ABL1: variants seen among roughly 807,000 people sequenced by gnomAD.
ABL1 encodes ABL proto-oncogene 1, non-receptor tyrosine kinase.
ABL1 carries 11 observed loss-of-function variants against 94.7 expected under a neutral mutation model. The ratio of observed to expected loss-of-function variants is 0.12; its 90% CI spans 0.07 to 0.19. The LOEUF is 0.19. Among genes scored for constraint, ABL1 ranks in the 10% least tolerant of loss-of-function variants. The pLI, the probability that ABL1 is intolerant of heterozygous loss-of-function variation, is 1.00. For synonymous variants in ABL1, 656 were observed against 622.4 expected (o/e 1.05, Z -0.80); for missense variants, 1,082 against 1,489.4 (o/e 0.73, Z 4.50).
intron 1 of ABL1, among the ~76,000 whole-genome samples, chr9:130,789,017 G>C (rs1205406595): frequency 6.6e-6 from 1 of 152,010 alleles, no homozygotes; most frequent in Non-Finnish European, 1.5e-5. Context: ...TTCTCCCTGT[G>C]ATTTCCTGAA....
chr9:130,733,882 G>A (rs532791709), intron 1 of ABL1, among the ~76,000 whole-genome samples: 1 of 152,098 alleles, frequency 6.6e-6, no homozygotes, highest in African/African-American at 2.4e-5. Context: ...GAGCCACTAC[G>A]CCTGGCCTGT....
At chr9:130,815,056 G>A (rs991797666) in intron 1 of ABL1, among the ~76,000 whole-genome samples, 5 of 152,070 alleles carry the variant, frequency 3.3e-5, no homozygotes, top group Admixed American at 2.0e-4. Context: ...CAGACAGGCC[G>A]GGCATGGTGG....
chr9:130,726,859 C>T (rs1261819753), intron 1 of ABL1, among the ~76,000 whole-genome samples: 2 of 152,212 alleles, frequency 1.3e-5, no homozygotes, highest in African/African-American at 4.8e-5. Context: ...CCAACATAGG[C>T]ATTTAAAGCT....
intron 1 of ABL1, among the ~76,000 whole-genome samples, chr9:130,760,666 C>T (rs1165929210): frequency 6.6e-6 from 1 of 151,748 alleles, no homozygotes; most frequent in Non-Finnish European, 1.5e-5. Context: ...TTTCCTCCCC[C>T]ACTTTTTTTT....
chr9:130,753,223 C>G (rs1831990454), intron 1 of ABL1, among the ~76,000 whole-genome samples: 1 of 151,924 alleles, frequency 6.6e-6, no homozygotes, highest in Non-Finnish European at 1.5e-5. Flanking sequence ...CGCCACTGCA[C>G]TCCAGCCTGG....
chr9:130,863,933 G>A lies in ABL1; in HGVS notation c.822+898G>A, dbSNP rs1354078616. Among the ~76,000 whole-genome samples, 1 of 152,192 alleles carries A rather than the reference G, an allele frequency of 6.6e-6. No individual in the cohort carries two copies. The highest frequency in any genetic ancestry group is 1.5e-5 in the Non-Finnish European group (1 of 68,040). ...AACATCCACCTCTGGGAAAAATAGA[G>A]TTTAGTTTGTGCATGTGTCTCAGAA... On this transcript the variant is annotated intron_variant, in intron 4 of 10. Coordinates refer to ENST00000318560, the MANE Select transcript of ABL1 (RefSeq NM_005157.6). The surrounding 1 kb of genome is among the most constrained non-coding windows in gnomAD (Gnocchi z 4.3).
rs140490676 is a variant in ABL1 at position 130,776,194 on chromosome 9, A to G, written c.136+61739A>G. Among the ~76,000 whole-genome samples the G allele has an allele frequency of 2.0e-5, 3 of 152,360 alleles. No homozygotes were observed. In the East Asian group the frequency reaches 5.8e-4, roughly 29 times the overall value. Reference sequence around the variant, plus strand: ...GTATCACATGGCAGCTCACTCAGGAATCATAAAGCTGGCCTTGGGATAACA... The same window carrying G: ...GTATCACATGGCAGCTCACTCAGGAGTCATAAAGCTGGCCTTGGGATAACA... On this transcript the variant is annotated intron_variant, in intron 1 of 10. Coordinates refer to the ABL1 transcript ENST00000372348.
chr9:130,789,158 C>A (rs368607534), intron 1 of ABL1, among the ~76,000 whole-genome samples: 1 of 152,084 alleles, frequency 6.6e-6, no homozygotes, highest in Non-Finnish European at 1.5e-5. Flanking sequence ...GATCCAAGAC[C>A]GTTTCTCATA....
chr9:130,750,198 T>TAC (rs1831939415), intron 1 of ABL1, among the ~76,000 whole-genome samples: 1 of 18,518 alleles, frequency 5.4e-5, no homozygotes, highest in Non-Finnish European at 8.1e-5. Flanking sequence ...AATACATATA[T>TAC]ATATATATAT....
intron 1 of ABL1, among the ~76,000 whole-genome samples, chr9:130,761,645 A>G (rs1031119864): frequency 2.0e-5 from 3 of 152,252 alleles, no homozygotes; most frequent in Admixed American, 6.5e-5. Context: ...CTCCAGTGCT[A>G]TGGTGTGATC....
Position 130,863,334 on chromosome 9 carries a change from G to A in ABL1, c.822+299G>A, listed in dbSNP as rs914979445. 2.0e-5 allele frequency among the ~76,000 whole-genome samples: 3 copies of A among 152,270 alleles called. No homozygotes were observed. The highest frequency in any genetic ancestry group is 4.8e-5 in the African/African-American group (2 of 41,560). Reference sequence around the variant, plus strand: ...TTTATGGCAAGGTTCTTTTAAAGCCGTGGATTTCCATGCTGTTCGTGCGGC... The same window carrying A: ...TTTATGGCAAGGTTCTTTTAAAGCCATGGATTTCCATGCTGTTCGTGCGGC... On this transcript the variant is annotated intron_variant, in intron 4 of 10. Transcript: ENST00000318560. This position sits in a 1 kb window ranked among gnomAD's most constrained non-coding sequence, Gnocchi z 4.3.
upstream of ABL1, among the ~76,000 whole-genome samples, chr9:130,832,128 T>TA (rs906135568): frequency 1.4e-4 from 7 of 51,544 alleles, no homozygotes; most frequent in South Asian, 4.2e-4. Context: ...CTTCTAAATA[T>TA]TTTTTTTTTT....
chr9:130,850,679 A>G (rs768012191), intron 1 of ABL1, among the ~76,000 whole-genome samples: 15 of 150,706 alleles, frequency 1.0e-4, no homozygotes, highest in East Asian at 2.0e-4. Flanking sequence ...ACTAATTTTT[A>G]TATTTTTAGT....
intron 1 of ABL1, among the ~76,000 whole-genome samples, chr9:130,718,053 C>A (rs1041102545): frequency 4.0e-5 from 6 of 150,690 alleles, no homozygotes; most frequent in African/African-American, 1.5e-4. Flanking sequence ...TGTGGTGGCT[C>A]ACGCCTGTAA....
chr9:130,730,870 C>G (rs372991965), intron 1 of ABL1, among the ~76,000 whole-genome samples: 1 of 152,030 alleles, frequency 6.6e-6, no homozygotes, highest in African/African-American at 2.4e-5. Context: ...CCGTGCCTAG[C>G]CTGTGTACTC....
exon 1 of ABL1, chr9:130,713,977 C>G: frequency 3.9e-6 from 1 of 254,822 alleles, no homozygotes; most frequent in Non-Finnish European, 7.5e-6. Context: ...CATTATTGAC[C>G]CTTTTCAGCA....
Position 130,794,029 on chromosome 9 carries a change from C to G in ABL1, c.137-60035C>G, listed in dbSNP as rs565163684. 3.3e-5 allele frequency among the ~76,000 whole-genome samples: 5 copies of G among 152,182 alleles called. No homozygotes were observed. The South Asian group carries it at 8.3e-4, about 25-fold the overall frequency. ...AACAAGCTCAGGGCTCCCACTGATT[C>G]TACATTACAGTGGGTTGTATAATTA... On this transcript the variant is annotated intron_variant, in intron 1 of 10. Transcript: ENST00000372348.
At chr9:130,837,775 TC>T (rs1475490278) in intron 1 of ABL1, among the ~76,000 whole-genome samples, 1 of 152,214 alleles carries the variant, frequency 6.6e-6, no homozygotes, top group African/African-American at 2.4e-5. Context: ...GAAAAATAGT[TC>T]CTAACATCTG....
rs573825589 is a variant in ABL1, at chr9:130,814,058, G to A, written c.137-40006G>A. ...TCCCAGCACTTTGGGAGGCTGAGGC[G>A]GGCAGATCACAAGGTCAGGAGATTG... On this transcript the variant is annotated intron_variant, in intron 1 of 10. Coordinates refer to the ABL1 transcript ENST00000372348. This position sits in a 1 kb window ranked among gnomAD's most constrained non-coding sequence, Gnocchi z 4.4. Among the ~76,000 whole-genome samples, 2 of 152,172 alleles carry A rather than the reference G, an allele frequency of 1.3e-5. No homozygotes were observed. The highest frequency in any genetic ancestry group is 2.1e-4 in the South Asian group (1 of 4,826).
Sources: gnomAD v4.1 joint callset for allele counts (sites outside exome capture counted in the v4.1 genomes callset) on GRCh38, gnomAD v4.1.1 for gene constraint, Gnocchi (gnomAD v3.1) non-coding constraint, MANE v1.5 for transcripts, NCBI Gene and HGNC (gene_info 2026-07-23, HGNC 2026-07-21) for gene names.